The following LAMB1 variants were observed in gnomAD, a reference collection of about 807,000 sequenced individuals.
LAMB1 encodes the protein laminin subunit beta-1.
LAMB1 carries 121 observed loss-of-function variants against 222.3 expected under a neutral mutation model. The ratio of observed to expected loss-of-function variants is 0.54; its 90% confidence interval spans 0.47 to 0.63. The LOEUF is 0.63. LAMB1 is among the 30% of genes least tolerant of loss of function. The pLI, the probability that LAMB1 is intolerant of heterozygous loss-of-function variation, is 0.00. For synonymous variants in LAMB1, 794 were observed against 807.2 expected (o/e 0.98, Z 0.28); for missense variants, 2,172 against 2,240.8 (o/e 0.97, Z 0.62).
In LAMB1 at chr7:107,980,685, C is replaced by T. The variant is rs745883055; in HGVS notation, c.803G>A (p.Arg268Gln). The change falls in exon 8 of 34, where the codon CGA becomes CAA. Residue 268 changes from arginine (R) to glutamine (Q), a missense_variant. Physicochemically the swap from Arg to Gln is conservative, Grantham distance 43. Transcript: ENST00000222399. Reference sequence around the variant, plus strand: ...ATGACCATAGCAGAAGCAATTTCCTCGAACCACCATATCATAAACTGCATA... The same window carrying T: ...ATGACCATAGCAGAAGCAATTTCCTTGAACCACCATATCATAAACTGCATA... Reference protein sequence around the residue: ...YYYAVYDMVVRGNCFCYGHAS... With the variant: ...YYYAVYDMVVQGNCFCYGHAS... 6.2e-7 allele frequency: 1 copy of T among 1,614,082 alleles called. No individual in the cohort carries two copies. Among genetic ancestry groups the T allele is most frequent in the Non-Finnish European group, 8.5e-7 (1 of 1,179,956 alleles).
intron 8 of LAMB1, among the ~76,000 whole-genome samples, chr7:107,979,863 C>T (rs1489453829): frequency 6.6e-6 from 1 of 152,134 alleles, no homozygotes; most frequent in Non-Finnish European, 1.5e-5. Context: ...CACTTGAGGT[C>T]AGGAGTTTGA....
intron 7 of LAMB1, 99 bp downstream of exon 7, chr7:107,985,923 C>T (rs369870963): frequency 1.1e-6 from 1 of 938,690 alleles, no homozygotes; most frequent in East Asian, 2.6e-5. Flanking sequence ...CACCATTGCA[C>T]TCCAGCCTGG....
intron 26 of LAMB1, among the ~76,000 whole-genome samples, chr7:107,936,663 C>A (rs1458806855): frequency 6.6e-6 from 1 of 152,120 alleles, no homozygotes; most frequent in East Asian, 1.9e-4. Flanking sequence ...TGCTGAGGAT[C>A]CTTTACAGTC....
Position 107,940,122 on chromosome 7 carries a change from T to C in LAMB1, c.3628A>G (p.Ser1210Gly), listed in dbSNP as rs867545996. Residue 1210 changes from serine (S) to glycine (G), a missense_variant, in exon 25 of 34, where the codon AGT (serine) becomes GGT (glycine). Coordinates refer to ENST00000222399, the MANE Select transcript of LAMB1 (RefSeq NM_002291.3). Reference protein sequence around the residue: ...FLEKAKALKISGVIGPYRETV... With the variant: ...FLEKAKALKIGGVIGPYRETV... Reference sequence around the variant, plus strand: ...TCACGGTAAGGCCCGATCACACCACTGATCTTCAAGGCCTTGGCTTTCTCC... The same window carrying C: ...TCACGGTAAGGCCCGATCACACCACCGATCTTCAAGGCCTTGGCTTTCTCC... 5.6e-6 allele frequency: 9 copies of C among 1,614,138 alleles called. No individual in the cohort carries two copies. Among genetic ancestry groups the C allele is most frequent in the African/African-American group, 1.3e-5 (1 of 75,036 alleles).
chr7:107,992,148 C>T (rs181565495), intron 5 of LAMB1, among the ~76,000 whole-genome samples: 3 of 152,312 alleles, frequency 2.0e-5, no homozygotes, highest in Non-Finnish European at 2.9e-5. Flanking sequence ...TGTTTCCCTC[C>T]GGCCATGAAT....
chr7:107,932,062 T>C (rs1012403627), intron 28 of LAMB1, 112 bp downstream of exon 28: 12 of 939,224 alleles, frequency 1.3e-5, no homozygotes, highest in African/African-American at 3.2e-5. Flanking sequence ...GATTGTGATA[T>C]GCCCTTTTCA....
chr7:107,991,122 G>A (rs773086192), intron 5 of LAMB1, among the ~76,000 whole-genome samples: 3 of 151,736 alleles, frequency 2.0e-5, no homozygotes, highest in Non-Finnish European at 4.4e-5. Context: ...TTTAAGACTG[G>A]CATAAACAAA....
Position 107,961,624 on chromosome 7 carries a change from A to T in LAMB1, c.1910T>A (p.Ile637Asn). ...ATTACCACATCGGCTGCTGGTTGGA[A>T]TCCTTCCAGGTCGCTGCACTGTGAT... is the stretch of plus-strand genomic sequence containing the variant. Reference protein sequence around the residue: ...AVITVQRPGRIPTSSRCGNTI... With the variant: ...AVITVQRPGRNPTSSRCGNTI... Residue 637 changes from isoleucine (I) to asparagine (N), a missense_variant, in exon 16 of 34, where the codon ATT (isoleucine) becomes AAT (asparagine). By Grantham distance (149) the Ile-to-Asn change is moderately radical. Transcript: ENST00000222399. 1.2e-6 allele frequency: 2 copies of T among 1,614,102 alleles called. No homozygotes were observed. The highest frequency in any genetic ancestry group is 1.7e-6 in the Non-Finnish European group (2 of 1,179,970).
chr7:107,950,962 G>GTGT, intron 24 of LAMB1: 1 of 348,068 alleles, frequency 2.9e-6, no homozygotes, highest in Non-Finnish European at 5.3e-6. Flanking sequence ...GTGTGTGTGT[G>GTGT]CTTACACACA....
chr7:107,961,212 G>C lies in LAMB1; in HGVS notation c.2103C>G (p.Ile701Met), dbSNP rs759604330. 4 of 1,613,888 alleles carry C rather than the reference G, an allele frequency of 2.5e-6. No individual in the cohort carries two copies. In the Admixed American group the frequency reaches 6.7e-5, roughly 27 times the overall value. Residue 701 changes from isoleucine (I) to methionine (M), a missense_variant, in exon 17 of 34, where the codon ATC becomes ATG. Ile to Met is a conservative substitution (Grantham distance 10). Transcript: ENST00000222399. Reference protein sequence around the residue: ...DSDVESPYTLIDSLVLMPYCK... With the variant: ...DSDVESPYTLMDSLVLMPYCK... ...GAAGCAATCTCGCACTTACAGAATC[G>C]ATCAGCGTGTAGGGGCTCTCCACGT...
intron 27 of LAMB1, among the ~76,000 whole-genome samples, chr7:107,933,986 AT>A (rs1157502197): frequency 0.016 from 2,310 of 147,414 alleles, 45 homozygotes; most frequent in African/African-American, 0.052. Context: ...GTGATAACTG[AT>A]TTTTTTTTTT....
chr7:107,995,015 C>A (rs963088200), intron 4 of LAMB1, 55 bp from the exon 5 acceptor site: 3 of 952,604 alleles, frequency 3.1e-6, no homozygotes, highest in Non-Finnish European at 4.9e-6. Context: ...ATAGAAACAT[C>A]TGTGAATAGT....
At chr7:107,945,792 G>A (rs994811860) in intron 24 of LAMB1, among the ~76,000 whole-genome samples, 1 of 152,180 alleles carries the variant, frequency 6.6e-6, no homozygotes, top group South Asian at 2.1e-4. Context: ...ATGCCTAAAA[G>A]TGCTTGGCAC....
chr7:108,001,026 C>A (rs2034371986), intron 3 of LAMB1, among the ~76,000 whole-genome samples: 1 of 152,142 alleles, frequency 6.6e-6, no homozygotes, highest in African/African-American at 2.4e-5. Context: ...ATCAGGGTAC[C>A]ATGGCAACCA....
At chr7:107,936,950 C>G (rs1319042610) in intron 26 of LAMB1, 143 bp downstream of exon 26, 2 of 644,206 alleles carry the variant, frequency 3.1e-6, no homozygotes, top group African/African-American at 3.7e-5. Context: ...GGACTTTGAT[C>G]CTCATTTGTG....
intron 5 of LAMB1, among the ~76,000 whole-genome samples, chr7:107,988,583 AATT>A (rs1218849065): frequency 6.6e-6 from 1 of 152,136 alleles, no homozygotes; most frequent in East Asian, 1.9e-4. Context: ...AACTCTCTAT[AATT>A]TGGGCTGATT....
chr7:107,995,214 A>G (rs1013581014), intron 4 of LAMB1, among the ~76,000 whole-genome samples: 2 of 152,224 alleles, frequency 1.3e-5, no homozygotes, highest in African/African-American at 4.8e-5. Flanking sequence ...CACTGGAACA[A>G]GACATCTGGC....
chr7:107,929,344 A>G, intron 30 of LAMB1, 68 bp downstream of exon 30: 1 of 1,518,506 alleles, frequency 6.6e-7, no homozygotes, highest in South Asian at 1.1e-5. Flanking sequence ...TTCATTGGTT[A>G]AAGAGATACT....
intron 21 of LAMB1, 139 bp from the exon 22 acceptor site, chr7:107,953,893 T>C: frequency 1.4e-6 from 1 of 694,296 alleles, no homozygotes; most frequent in Non-Finnish European, 2.5e-6. Context: ...CCCAGGGTGA[T>C]CACATCTGAA....
Sources: gnomAD v4.1 joint callset for allele counts (sites outside exome capture counted in the v4.1 genomes callset) on GRCh38, gnomAD v4.1.1 for gene constraint, MANE v1.5 for transcripts, NCBI Gene and HGNC (gene_info 2026-07-23, HGNC 2026-07-21) for gene names.